EPC2: variants seen among roughly 807,000 people sequenced by gnomAD.
EPC2 encodes enhancer of polycomb homolog 2.
A neutral mutation model predicts 92.1 loss-of-function variants in EPC2; 14 were observed. The ratio of observed to expected loss-of-function variants is 0.15; its 90% CI spans 0.10 to 0.24. EPC2 has a LOEUF of 0.24. EPC2 is among the 10% of genes least tolerant of loss of function. The probability of loss-of-function intolerance (pLI) is 1.00; values close to 1 mark genes in which losing one functional copy is unlikely to be tolerated. For synonymous variants in EPC2, 340 were observed against 334.7 expected (o/e 1.02, Z -0.17); for missense variants, 755 against 971.5 (o/e 0.78, Z 2.96).
chr2:148,712,265 T>C lies in EPC2; in HGVS notation c.313+21892T>C, dbSNP rs560691955. Among the ~76,000 whole-genome samples, 19 of 151,402 alleles carry C rather than the reference T, an allele frequency of 1.3e-4. 1 individual carries two copies. The South Asian group carries it at 4.0e-3, about 32-fold the overall frequency. On this transcript the variant is annotated intron_variant, in intron 2 of 13. Coordinates refer to ENST00000258484, the MANE Select transcript of EPC2 (RefSeq NM_015630.4). ...TGGGGGTGTGTGTGTGTGTGTGTGTTTGCCCTAGAATTTACACTGTACATT... is the reference window on the plus strand; with the variant it reads ...TGGGGGTGTGTGTGTGTGTGTGTGTCTGCCCTAGAATTTACACTGTACATT...
chr2:148,722,277 G>A (rs1255086676), intron 2 of EPC2, among the ~76,000 whole-genome samples: 1 of 152,154 alleles, frequency 6.6e-6, no homozygotes, highest in Non-Finnish European at 1.5e-5. Context: ...GGTGGGACAG[G>A]CTGTCTAAAG....
intron 2 of EPC2, among the ~76,000 whole-genome samples, chr2:148,722,780 T>A (rs1227945748): frequency 6.6e-6 from 1 of 152,172 alleles, no homozygotes; most frequent in East Asian, 1.9e-4. Context: ...CCTAAATGCC[T>A]ATCAACAGTA....
intron 2 of EPC2, among the ~76,000 whole-genome samples, chr2:148,705,130 C>A (rs1021111965): frequency 6.6e-6 from 1 of 151,800 alleles, no homozygotes; most frequent in Non-Finnish European, 1.5e-5. Context: ...GTCTTTTTCC[C>A]GGCATAACCA....
chr2:148,782,478 A>G (rs1300657057), intron 11 of EPC2, among the ~76,000 whole-genome samples: 1 of 151,840 alleles, frequency 6.6e-6, no homozygotes, highest in Non-Finnish European at 1.5e-5. Context: ...TGGAGGTTTC[A>G]GTGAGCTAAG....
intron 2 of EPC2, among the ~76,000 whole-genome samples, chr2:148,740,667 TAG>T (rs1682865118): frequency 6.6e-6 from 1 of 152,094 alleles, no homozygotes; most frequent in Admixed American, 6.5e-5. Flanking sequence ...TAAGATTAGG[TAG>T]GTGTATAAAA....
At chr2:148,698,358 C>A (rs1236799413) in intron 2 of EPC2, among the ~76,000 whole-genome samples, 1 of 152,118 alleles carries the variant, frequency 6.6e-6, no homozygotes, top group East Asian at 1.9e-4. Flanking sequence ...CCTGTTTTGG[C>A]TGGGCGCAGT....
At chr2:148,678,517 G>A (rs1366983206) in intron 1 of EPC2, among the ~76,000 whole-genome samples, 1 of 152,272 alleles carries the variant, frequency 6.6e-6, no homozygotes, top group Non-Finnish European at 1.5e-5. Context: ...GCTTAGGCAT[G>A]GCGGGCTGCA....
chr2:148,786,775 G>A lies in EPC2; in HGVS notation c.*398G>A, dbSNP rs1308561313. 2 of 153,348 alleles carry A rather than the reference G, an allele frequency of 1.3e-5. No homozygotes were observed. Among genetic ancestry groups the A allele is most frequent in the African/African-American group, 4.8e-5 (2 of 41,418 alleles). 9.5% of individuals were successfully genotyped at this position (153,348 alleles called of 1,614,324 possible). On this transcript the variant is annotated 3_prime_UTR_variant, in exon 14 of 14. Transcript: ENST00000258484. ...ATCTTGTAAAAATAAATCCAACTTT[G>A]TGTCTAAAAAGTTAAAGATTCATAG...
chr2:148,669,091 G>C (rs1408441837), intron 1 of EPC2, among the ~76,000 whole-genome samples: 1 of 151,678 alleles, frequency 6.6e-6, no homozygotes, highest in African/African-American at 2.4e-5. Context: ...TTTCTCTTTT[G>C]ATTTCTTCTT....
At chr2:148,727,409 T>C (rs951940639) in intron 2 of EPC2, among the ~76,000 whole-genome samples, 6 of 152,228 alleles carry the variant, frequency 3.9e-5, no homozygotes, top group African/African-American at 1.4e-4. Flanking sequence ...TTTATATCTT[T>C]GTCCATTCAC....
rs369345749 is a variant in EPC2 at position 148,673,827 on chromosome 2, C to G, written c.154-16387C>G. ...TCTCAAACTCCTGACCTCAAGTGAT[C>G]TGCTGGCCTTGGCCTCCCAAAGTGC... On this transcript the variant is annotated intron_variant, in intron 1 of 13. Coordinates refer to ENST00000258484, the MANE Select transcript of EPC2 (RefSeq NM_015630.4). Among the ~76,000 whole-genome samples, 5 of 152,270 alleles carry G rather than the reference C, an allele frequency of 3.3e-5. 1 individual carries two copies. Among genetic ancestry groups the G allele is most frequent in the African/African-American group, 1.2e-4 (5 of 41,566 alleles).
chr2:148,646,321 ATGT>A (rs748766280), intron 1 of EPC2, among the ~76,000 whole-genome samples: 1 of 152,176 alleles, frequency 6.6e-6, no homozygotes, highest in Non-Finnish European at 1.5e-5. Flanking sequence ...TGACCTCATT[ATGT>A]TACCCTGTTA....
At chr2:148,717,817 A>G (rs13014076) in intron 2 of EPC2, among the ~76,000 whole-genome samples, 22,868 of 152,064 alleles carry the variant, frequency 0.15, 2,536 homozygotes, top group East Asian at 0.46. Context: ...GTCTTTCTCT[A>G]TGATCTGTCT....
chr2:148,751,231 CATATA>C (rs993051349), intron 3 of EPC2, among the ~76,000 whole-genome samples: 7 of 152,132 alleles, frequency 4.6e-5, no homozygotes, highest in African/African-American at 1.7e-4. Context: ...TTAATTTTTA[CATATA>C]ATATATTCGT....
intron 2 of EPC2, among the ~76,000 whole-genome samples, chr2:148,690,632 A>G (rs987060921): frequency 7.9e-5 from 12 of 152,196 alleles, no homozygotes; most frequent in Non-Finnish European, 1.3e-4. Flanking sequence ...TACATAGCTA[A>G]AAGGTGGTGG....
intron 2 of EPC2, among the ~76,000 whole-genome samples, chr2:148,720,025 A>G (rs2105390079): frequency 6.6e-6 from 1 of 151,874 alleles, no homozygotes; most frequent in Non-Finnish European, 1.5e-5. Flanking sequence ...GCCTTGACAA[A>G]ACAGCTGTGT....
At chr2:148,698,633 C>CAAAAAAA (rs36045036) in intron 2 of EPC2, among the ~76,000 whole-genome samples, 2 of 57,016 alleles carry the variant, frequency 3.5e-5, no homozygotes, top group African/African-American at 7.7e-5. Flanking sequence ...GACTCCATCT[C>CAAAAAAA]AAAAAAAAAA....
chr2:148,760,898 T>C (rs1683291431), intron 4 of EPC2, among the ~76,000 whole-genome samples: 2 of 152,210 alleles, frequency 1.3e-5, no homozygotes, highest in East Asian at 1.9e-4. Flanking sequence ...GATTATTAAA[T>C]CAAGGCATGA....
chr2:148,685,449 T>G (rs1433019701), intron 1 of EPC2, among the ~76,000 whole-genome samples: 1 of 152,190 alleles, frequency 6.6e-6, no homozygotes. Flanking sequence ...ATGAATATTT[T>G]GGTTTCACAG....
Sources: gnomAD v4.1 joint callset for allele counts (sites outside exome capture counted in the v4.1 genomes callset) on GRCh38, gnomAD v4.1.1 for gene constraint, MANE v1.5 for transcripts, NCBI Gene and HGNC (gene_info 2026-07-23, HGNC 2026-07-21) for gene names.